TOMM20L: variants seen among roughly 807,000 people sequenced by gnomAD.
The protein encoded by TOMM20L is translocase of outer mitochondrial membrane 20 like, also known as TOMM20-like protein 1.
Under a neutral mutation model 20.4 loss-of-function variants are expected in TOMM20L, and 19 were observed. The ratio of observed to expected loss-of-function variants is 0.93; its 90% CI spans 0.65 to 1.36. The LOEUF (loss-of-function observed/expected upper bound fraction) is 1.36, where lower values mean the gene tolerates loss of function less well. Among genes scored for constraint, TOMM20L ranks in the 40% most tolerant of loss-of-function variants. TOMM20L has a pLI of 0.00. For missense variants in TOMM20L, 218 were observed against 203.7 expected (o/e 1.07, Z -0.43); for synonymous variants, 75 against 79.6 (o/e 0.94, Z 0.30).
intron 2 of TOMM20L, among the ~76,000 whole-genome samples, chr14:58,402,220 A>G (rs1348232951): frequency 1.3e-5 from 2 of 152,146 alleles, no homozygotes; most frequent in African/African-American, 4.8e-5. Context: ...TGGTTTAAAT[A>G]TTATAAAGAA....
At chr14:58,408,154 C>T (rs1041159112) in intron 4 of TOMM20L, among the ~76,000 whole-genome samples, 2 of 152,250 alleles carry the variant, frequency 1.3e-5, no homozygotes, top group African/African-American at 2.4e-5. Flanking sequence ...CGGTGGCTCA[C>T]GCCTGTAATC....
downstream of TOMM20L, among the ~76,000 whole-genome samples, chr14:58,413,530 C>T (rs1257732943): frequency 5.3e-5 from 8 of 152,088 alleles, no homozygotes; most frequent in African/African-American, 1.4e-4. Flanking sequence ...TATAATCTAA[C>T]GTGGCGGCAA....
downstream of TOMM20L, chr14:58,412,137 A>G: frequency 1.9e-6 from 1 of 530,430 alleles, no homozygotes; most frequent in Non-Finnish European, 3.3e-6. Context: ...CTTACAGTTG[A>G]GAATTAGATT....
At chr14:58,410,029 C>G (rs998094751), downstream of TOMM20L, among the ~76,000 whole-genome samples, 7 of 151,882 alleles carry the variant, frequency 4.6e-5, no homozygotes, top group African/African-American at 7.3e-5. Flanking sequence ...CCACGCCTGG[C>G]TAATTTTTCA....
chr14:58,402,251 T>C (rs955864698), intron 2 of TOMM20L, among the ~76,000 whole-genome samples: 20 of 152,266 alleles, frequency 1.3e-4, no homozygotes, highest in African/African-American at 4.8e-4. Context: ...TGTCATACTT[T>C]GGATTTAGAG....
downstream of TOMM20L, chr14:58,408,937 G>T: frequency 6.7e-7 from 1 of 1,498,646 alleles, no homozygotes; most frequent in Non-Finnish European, 8.9e-7. Context: ...TGAACATGGT[G>T]GCTACTGCTT....
At chr14:58,403,176 GCAAGAC>G (rs2036012622) in intron 3 of TOMM20L, among the ~76,000 whole-genome samples, 1 of 152,184 alleles carries the variant, frequency 6.6e-6, no homozygotes, top group Non-Finnish European at 1.5e-5. Flanking sequence ...GGGCAACAAA[GCAAGAC>G]CCTGTCTCTA....
rs188853993 is a variant in TOMM20L, at chr14:58,407,049, C to A, written c.263-277C>A. On this transcript the variant is annotated intron_variant, in intron 3 of 4. Transcript: ENST00000360945. The stretch of plus-strand genomic sequence containing the variant: ...CCTCAGTATCCTCTTCCCTCCATAC[C>A]CAAATTATAGAACACGAGCATTTCC... Among the ~76,000 whole-genome samples the A allele has an allele frequency of 3.0e-3, 455 of 152,242 alleles. 2 individuals carry two copies. The highest frequency in any genetic ancestry group is 5.1e-3 in the Non-Finnish European group (347 of 68,012).
At chr14:58,415,354 C>A in the TOMM20L span, among the ~76,000 whole-genome samples, 1 of 152,040 alleles carries the variant, frequency 6.6e-6, no homozygotes, top group Non-Finnish European at 1.5e-5. Flanking sequence ...AGGAAGATCT[C>A]AAACTGAATT....
downstream of TOMM20L, among the ~76,000 whole-genome samples, chr14:58,412,630 G>C (rs2036257869): frequency 6.6e-6 from 1 of 152,184 alleles, no homozygotes; most frequent in Non-Finnish European, 1.5e-5. Context: ...GCTGGGTGTG[G>C]TGGCTCATGC....
In TOMM20L at chr14:58,402,678, A is replaced by G; in HGVS notation, c.181-2A>G. ...TTGTTGAATATTTTATGAATATTTT[A>G]GTTGTGGGATCCAACGAAGAATAAA... is the stretch of plus-strand genomic sequence containing the variant. On this transcript the variant is annotated splice_acceptor_variant, in intron 2 of 4. Coordinates refer to ENST00000360945, the MANE Select transcript of TOMM20L (RefSeq NM_207377.3). LOFTEE classifies it high-confidence loss of function. 1 of 1,608,172 alleles carries G rather than the reference A, an allele frequency of 6.2e-7. No homozygotes were observed. The highest frequency in any genetic ancestry group is 8.5e-7 in the Non-Finnish European group (1 of 1,174,676).
In TOMM20L at chr14:58,396,061, GGGACCCCGC is replaced by G. The variant is rs1566740506; in HGVS notation, c.106_114del (p.Asp36_Ala38del). The G allele has an allele frequency of 2.8e-6, 4 of 1,412,104 alleles. No homozygotes were observed. The highest frequency in any genetic ancestry group is 2.8e-6 in the Non-Finnish European group (3 of 1,078,708). The allele number at this position is 1,412,104 out of a possible 1,614,324, so 87.5% of individuals were successfully genotyped here. On this transcript the variant is annotated inframe_deletion, in exon 1 of 5. Coordinates refer to ENST00000360945, the MANE Select transcript of TOMM20L (RefSeq NM_207377.3). ...ATTTACCTCAACCGGAAGCGGCGCG[GGGACCCCGC>G]GTTCAAGCGCCGCCTGCGGGACAGT...
downstream of TOMM20L, among the ~76,000 whole-genome samples, chr14:58,411,701 G>C (rs1327008039): frequency 6.6e-6 from 1 of 151,914 alleles, no homozygotes; most frequent in Non-Finnish European, 1.5e-5. Context: ...AGCACGCCCA[G>C]CTAATTTTTG....
At chr14:58,402,904 T>C (rs925622809) in intron 3 of TOMM20L, 143 bp downstream of exon 3, 2 of 640,658 alleles carry the variant, frequency 3.1e-6, no homozygotes, top group Non-Finnish European at 5.5e-6. Flanking sequence ...GCATGTTCAC[T>C]TCATCATACT....
chr14:58,396,081 C>T lies in TOMM20L; in HGVS notation c.124C>T (p.Arg42Cys), dbSNP rs767104881. The T allele has an allele frequency of 1.1e-5, 15 of 1,393,714 alleles. No individual in the cohort carries two copies. Among genetic ancestry groups the T allele is most frequent in the Admixed American group, 5.5e-5 (2 of 36,380 alleles). 86.3% of individuals were successfully genotyped at this position (1,393,714 alleles called of 1,614,324 possible). ...KRRGDPAFKRRLRDKRRAEPQ... is the reference protein window; with the variant it reads ...KRRGDPAFKRCLRDKRRAEPQ... Reference sequence around the variant, plus strand: ...GCGCGGGGACCCCGCGTTCAAGCGCCGCCTGCGGGACAGTGAGTGGGACCG... The same window carrying T: ...GCGCGGGGACCCCGCGTTCAAGCGCTGCCTGCGGGACAGTGAGTGGGACCG... The change falls in exon 1 of 5, where the codon CGC (arginine) becomes TGC (cysteine). Residue 42 changes from arginine to cysteine, a missense_variant. Physicochemically the swap from Arg to Cys is radical, Grantham distance 180. Transcript: ENST00000360945.
At chr14:58,415,186 T>C in the TOMM20L span, among the ~76,000 whole-genome samples, 1 of 152,182 alleles carries the variant, frequency 6.6e-6, no homozygotes, top group Non-Finnish European at 1.5e-5. Flanking sequence ...TACTTCCACC[T>C]GGCAGTAATG....
At chr14:58,409,889 T>G (rs2140311027), downstream of TOMM20L, among the ~76,000 whole-genome samples, 1 of 152,060 alleles carries the variant, frequency 6.6e-6, no homozygotes, top group Middle Eastern at 3.4e-3. Flanking sequence ...ATTTATTTAT[T>G]TTTTTGAGAC....
In TOMM20L at chr14:58,402,707, T is replaced by C. The variant is rs954002498; in HGVS notation, c.208T>C (p.Leu70=). 3 of 1,613,652 alleles carry C rather than the reference T, an allele frequency of 1.9e-6. No homozygotes were observed. Among genetic ancestry groups the C allele is most frequent in the Admixed American group, 1.7e-5 (1 of 59,972 alleles). Residue 70 remains leucine, a synonymous_variant, in exon 3 of 5, where the codon TTG becomes CTG. Transcript: ENST00000360945. Reference sequence around the variant, plus strand: ...GTGGGATCCAACGAAGAATAAAAAGTTGCAAGAACTTTTCTTGCAAGAGGT... The same window carrying C: ...GTGGGATCCAACGAAGAATAAAAAGCTGCAAGAACTTTTCTTGCAAGAGGT... The part of the protein sequence containing the change: ...QLWDPTKNKK[L]QELFLQEVRM...
At chr14:58,406,142 A>G (rs572870602) in intron 3 of TOMM20L, among the ~76,000 whole-genome samples, 5 of 152,310 alleles carry the variant, frequency 3.3e-5, no homozygotes, top group African/African-American at 4.8e-5. Context: ...AACGGTGGCT[A>G]TATCTATATG....
Sources: allele counts gnomAD v4.1 joint callset (sites outside exome capture counted in the v4.1 genomes callset), GRCh38; gene constraint gnomAD v4.1.1; transcripts MANE v1.5; gene names NCBI Gene and HGNC (gene_info 2026-07-23, HGNC 2026-07-21).